CENPP: variants seen among roughly 807,000 people sequenced by gnomAD.
CENPP encodes the protein centromere protein P.
A neutral mutation model predicts 35.6 loss-of-function variants in CENPP; 24 were observed. The ratio of observed to expected loss-of-function variants is 0.67; its 90% CI spans 0.49 to 0.95. CENPP has a LOEUF of 0.95. Among genes scored for constraint, CENPP ranks in the 40% least tolerant of loss-of-function variants. The probability of loss-of-function intolerance (pLI) is 0.00; values close to 1 mark genes in which losing one functional copy is unlikely to be tolerated. For missense variants in CENPP, 332 were observed against 345.3 expected, an observed-to-expected ratio of 0.96 and a Z score of 0.31; for synonymous variants, 120 against 125.5, an observed-to-expected ratio of 0.96 and a Z score of 0.29.
At chr9:92,499,161 A>G (rs866527698) in intron 5 of CENPP, among the ~76,000 whole-genome samples, 1 of 152,222 alleles carries the variant, frequency 6.6e-6, no homozygotes, top group African/African-American at 2.4e-5. Context: ...CATTGTCCAG[A>G]TGACTGCAAT....
At position 92,496,149 on chromosome 9, in the gene CENPP, C is replaced by T. The variant is rs189401619; in HGVS notation, c.565-115165C>T. The T allele has an allele frequency of 5.6e-4, 735 of 1,316,792 alleles. 3 individuals are homozygous for T. The highest frequency in any genetic ancestry group is 4.3e-3 in the Admixed American group (109 of 25,068). 81.6% of individuals were successfully genotyped at this position (1,316,792 alleles called of 1,614,324 possible). On this transcript the variant is annotated intron_variant, in intron 5 of 7. Coordinates refer to ENST00000375587, the MANE Select transcript of CENPP (RefSeq NM_001012267.3). ...ATTAATAAAACTCCTAGAGACTATA[C>T]CTTTTAGGTATATTTTGGTTGTTCA...
chr9:92,431,296 A>G (rs1588125579), intron 5 of CENPP, among the ~76,000 whole-genome samples: 2 of 152,160 alleles, frequency 1.3e-5, no homozygotes, highest in Non-Finnish European at 2.9e-5. Flanking sequence ...GCATTTCTCA[A>G]CGTTATATTA....
intron 5 of CENPP, among the ~76,000 whole-genome samples, chr9:92,610,203 G>A (rs1378796569): frequency 2.0e-5 from 3 of 152,146 alleles, no homozygotes; most frequent in Non-Finnish European, 2.9e-5. Flanking sequence ...CTACTGGCAC[G>A]TGCCGCCAGG....
At chr9:92,349,358 G>T (rs979065675) in intron 4 of CENPP, among the ~76,000 whole-genome samples, 1 of 149,382 alleles carries the variant, frequency 6.7e-6, no homozygotes, top group African/African-American at 2.5e-5. Flanking sequence ...GGATATCTGG[G>T]TTATTTTCAG....
chr9:92,540,435 C>CAA lies in CENPP; in HGVS notation c.565-70864_565-70863dup, dbSNP rs35325216. Among the ~76,000 whole-genome samples, 233 of 117,664 alleles carry CAA rather than the reference C, an allele frequency of 2.0e-3. 1 individual carries two copies. The highest frequency in any genetic ancestry group is 4.4e-3 in the Middle Eastern group (1 of 226). 77.2% of individuals were successfully genotyped at this position (117,664 alleles called of 152,430 possible). On this transcript the variant is annotated intron_variant, in intron 5 of 7. Transcript: ENST00000375587. ...CCTGGACGACAGAGCGAGACTGTCTCAAAAAAAAAAAAAAAATGAGATCAC... is the reference window on the plus strand; with the variant it reads ...CCTGGACGACAGAGCGAGACTGTCTCAAAAAAAAAAAAAAAAAATGAGATCAC...
At chr9:92,611,058 C>T in intron 5 of CENPP, 4 of 555,044 alleles carry the variant, frequency 7.2e-6, no homozygotes, top group South Asian at 6.2e-5. Context: ...AATGAGAATA[C>T]AGCTGTAGGG....
chr9:92,598,821 A>G (rs1018769851), intron 5 of CENPP, among the ~76,000 whole-genome samples: 3 of 151,692 alleles, frequency 2.0e-5, no homozygotes, highest in Non-Finnish European at 4.4e-5. Context: ...CAAAAACTAC[A>G]AGGAGGCCAG....
chr9:92,425,024 A>C (rs1054664161), intron 5 of CENPP, among the ~76,000 whole-genome samples: 2 of 152,254 alleles, frequency 1.3e-5, no homozygotes, highest in African/African-American at 4.8e-5. Flanking sequence ...ACCTAGGTTC[A>C]TATCAGTACT....
At chr9:92,436,172 T>A (rs1844241092) in intron 5 of CENPP, among the ~76,000 whole-genome samples, 1 of 152,252 alleles carries the variant, frequency 6.6e-6, no homozygotes, top group Non-Finnish European at 1.5e-5. Flanking sequence ...ATGTTCAGAA[T>A]CTTTTCATGT....
intron 4 of CENPP, among the ~76,000 whole-genome samples, chr9:92,365,332 C>T (rs887936220): frequency 6.6e-6 from 1 of 150,970 alleles, no homozygotes; most frequent in African/African-American, 2.4e-5. Context: ...CTAATCATAT[C>T]AGTTTGTTAT....
rs1234867797 is a variant in CENPP, at chr9:92,618,318, C to T, written c.*5169C>T. On this transcript the variant is annotated 3_prime_UTR_variant, in exon 8 of 8. Transcript: ENST00000375587. ...ATGCCCTCCCCTCCCCTCCTAGTGT[C>T]GTTTCTGCTGAGCAGCTGGTCGTAA... 2.2e-6 allele frequency: 1 copy of T among 456,722 alleles called. No individual in the cohort carries two copies. Among genetic ancestry groups the T allele is most frequent in the South Asian group, 1.5e-5 (1 of 64,570 alleles). The allele number at this position is 456,722 out of a possible 1,614,324, so 28.3% of individuals were successfully genotyped here. A position where few individuals can be genotyped will look rare whatever the true frequency, so the allele number is the denominator to read the frequency against.
At chr9:92,512,000 C>T (rs141995151) in intron 5 of CENPP, 2 of 1,584,484 alleles carry the variant, frequency 1.3e-6, no homozygotes, top group African/African-American at 1.4e-5. Context: ...CAAATCAGAG[C>T]ATGTATTTAC....
intron 3 of CENPP, among the ~76,000 whole-genome samples, chr9:92,345,185 G>A (rs1465578652): frequency 6.6e-6 from 1 of 152,002 alleles, no homozygotes; most frequent in African/African-American, 2.4e-5. Flanking sequence ...CCCGGGAGGC[G>A]GAGTTTGCAG....
At chr9:92,550,932 C>T (rs985878932) in intron 5 of CENPP, among the ~76,000 whole-genome samples, 1 of 152,150 alleles carries the variant, frequency 6.6e-6, no homozygotes, top group Non-Finnish European at 1.5e-5. Context: ...GGCTCTTTCC[C>T]CAGCTCCATA....
chr9:92,492,437 A>G (rs1321061682), intron 5 of CENPP, among the ~76,000 whole-genome samples: 2 of 152,202 alleles, frequency 1.3e-5, no homozygotes, highest in Non-Finnish European at 2.9e-5. Context: ...GACACTGTGC[A>G]TATTTCAACT....
intron 5 of CENPP, among the ~76,000 whole-genome samples, chr9:92,479,285 A>G (rs562565663): frequency 1.3e-5 from 2 of 152,254 alleles, no homozygotes; most frequent in East Asian, 1.9e-4. Flanking sequence ...CCTCTTTCTG[A>G]GACTGATAAG....
chr9:92,565,323 A>AAT (rs1849941758), intron 5 of CENPP, among the ~76,000 whole-genome samples: 1 of 148,182 alleles, frequency 6.7e-6, no homozygotes, highest in African/African-American at 2.5e-5. Flanking sequence ...AAAAAAAAAA[A>AAT]TCATAATGTT....
Position 92,445,388 on chromosome 9 carries a change from C to T in CENPP, c.564+65529C>T, listed in dbSNP as rs534093098. ...TTAATGCCTTCCCTCTGAAGATCTGCTAGGAGTGAGCTAGTCTTCCTGATG... is the reference window on the plus strand; with the variant it reads ...TTAATGCCTTCCCTCTGAAGATCTGTTAGGAGTGAGCTAGTCTTCCTGATG... On this transcript the variant is annotated intron_variant, in intron 5 of 7. Coordinates refer to ENST00000375587, the MANE Select transcript of CENPP (RefSeq NM_001012267.3). 4.5e-4 allele frequency among the ~76,000 whole-genome samples: 69 copies of T among 152,158 alleles called. No individual in the cohort carries two copies. The Middle Eastern group carries it at 0.01, about 23-fold the overall frequency.
chr9:92,332,404 A>G, intron 2 of CENPP, 53 bp downstream of exon 2: 2 of 1,189,416 alleles, frequency 1.7e-6, no homozygotes, highest in Admixed American at 2.9e-5. Context: ...CTTATTATGC[A>G]TAAGAAATTG....
Sources: gnomAD v4.1 joint callset for allele counts (sites outside exome capture counted in the v4.1 genomes callset) on GRCh38, gnomAD v4.1.1 for gene constraint, MANE v1.5 for transcripts, NCBI Gene and HGNC (gene_info 2026-07-23, HGNC 2026-07-21) for gene names.